Variants in SLCO4A1 observed in about 807,000 individuals in gnomAD.
SLCO4A1 encodes the protein solute carrier organic anion transporter family member 4A1, also known as colon organic anion transporter.
Under a neutral mutation model 64.6 loss-of-function variants are expected in SLCO4A1, and 51 were observed. The observed-to-expected ratio is 0.79, with a 90% CI of 0.63 to 1.00. The LOEUF (loss-of-function observed/expected upper bound fraction) is 1.00. Ranked by LOEUF, SLCO4A1 falls within the 50% of genes least tolerant of loss-of-function variation. SLCO4A1 has a pLI of 0.00. For synonymous variants in SLCO4A1, 471 were observed against 444.9 expected (o/e 1.06, Z -0.74); for missense variants, 919 against 980.5 (o/e 0.94, Z 0.84).
chr20:62,668,426 G>A, intron 9 of SLCO4A1, 51 bp from the exon 10 acceptor site: 1 of 1,583,192 alleles, frequency 6.3e-7, no homozygotes, highest in East Asian at 2.2e-5. Flanking sequence ...GGGGTGACTT[G>A]GCATGCAACC....
chr20:62,684,839 G>A (rs971057334), intron 2 of SLCO4A1, among the ~76,000 whole-genome samples: 1 of 152,104 alleles, frequency 6.6e-6, no homozygotes, highest in Admixed American at 6.5e-5. Flanking sequence ...TCATTAGCCC[G>A]TGCTCCACCT....
At chr20:62,683,290 C>T (rs990823892) in intron 2 of SLCO4A1, among the ~76,000 whole-genome samples, 6 of 152,012 alleles carry the variant, frequency 3.9e-5, no homozygotes, top group Admixed American at 2.6e-4. Flanking sequence ...CTCTCGGGAG[C>T]GGCCGTGACG....
In SLCO4A1 at chr20:62,669,081, A is replaced by T. The variant is rs756082833; in HGVS notation, c.2025+3A>T. ...TCATCATGGGGCTCCTGTACAAGGT[A>T]AGCAGGCCCAGGGAGGGGACAGAGG... On this transcript the variant is annotated splice_donor_region_variant and intron_variant, in intron 11 of 11. Coordinates refer to ENST00000217159, the MANE Select transcript of SLCO4A1 (RefSeq NM_016354.4). 2 of 1,608,744 alleles carry T rather than the reference A, an allele frequency of 1.2e-6. No individual in the cohort carries two copies. Among genetic ancestry groups the T allele is most frequent in the Middle Eastern group, 1.7e-4 (1 of 6,058 alleles).
intron 6 of SLCO4A1, 194 bp downstream of exon 6, chr20:62,665,282 C>T: frequency 1.7e-6 from 1 of 591,522 alleles, no homozygotes; most frequent in Non-Finnish European, 2.9e-6. Flanking sequence ...GAGTGGTGGT[C>T]CTGCCCTCTT....
At chr20:62,658,829 T>C (rs765498878) in intron 3 of SLCO4A1, 62 bp downstream of exon 3, 173 of 1,402,632 alleles carry the variant, frequency 1.2e-4, no homozygotes, top group Middle Eastern at 3.5e-4. Flanking sequence ...GGAAGGGGGT[T>C]CAGAGTCAGC....
rs373395628 is a variant in SLCO4A1, at chr20:62,669,789, G to A, written c.2025+711G>A. 3.9e-5 allele frequency among the ~76,000 whole-genome samples: 6 copies of A among 152,292 alleles called. No individual in the cohort carries two copies. In the East Asian group the frequency reaches 7.7e-4, roughly 20 times the overall value. ...CCCGTGGCCTCAGGCTTTCCAGGAG[G>A]GAGGTTAGAGAAAGGGAAGGAGCCC... On this transcript the variant is annotated intron_variant, in intron 11 of 11. Coordinates refer to ENST00000217159, the MANE Select transcript of SLCO4A1 (RefSeq NM_016354.4).
intron 1 of SLCO4A1, among the ~76,000 whole-genome samples, chr20:62,653,001 G>A (rs1471519020): frequency 6.6e-6 from 1 of 152,224 alleles, no homozygotes; most frequent in African/African-American, 2.4e-5. Context: ...GTGTGGCCTC[G>A]AGCAAATGAC....
chr20:62,656,266 C>A, intron 1 of SLCO4A1, 93 bp from the exon 2 acceptor site: 1 of 574,222 alleles, frequency 1.7e-6, no homozygotes, highest in Non-Finnish European at 3.0e-6. Flanking sequence ...AGCTTTGAGC[C>A]ACCCCCGTGA....
chr20:62,653,145 G>C (rs1318613597), intron 1 of SLCO4A1, among the ~76,000 whole-genome samples: 1 of 152,230 alleles, frequency 6.6e-6, no homozygotes, highest in Non-Finnish European at 1.5e-5. Flanking sequence ...GCCCGCCTTC[G>C]TCCCAAGGAG....
intron 7 of SLCO4A1, chr20:62,666,792 C>T (rs868064622): frequency 4.0e-5 from 23 of 581,606 alleles, no homozygotes; most frequent in Admixed American, 6.0e-5. Flanking sequence ...GCTTGGGTCC[C>T]GGCTGTGCCC....
chr20:62,676,251 T>TA (rs113930880), downstream of SLCO4A1, among the ~76,000 whole-genome samples: 1,247 of 148,344 alleles, frequency 8.4e-3, 21 homozygotes, highest in African/African-American at 0.028. Context: ...CCTGTCTCTG[T>TA]AAAAAAAAAA....
At chr20:62,670,683 G>T (rs1288488462) in intron 11 of SLCO4A1, among the ~76,000 whole-genome samples, 3 of 151,516 alleles carry the variant, frequency 2.0e-5, no homozygotes, top group Non-Finnish European at 4.4e-5. Context: ...GGGAGCAGCA[G>T]GCTGAGAGCC....
intron 1 of SLCO4A1, among the ~76,000 whole-genome samples, chr20:62,646,878 C>T (rs1981432231): frequency 6.6e-6 from 1 of 152,204 alleles, no homozygotes; most frequent in Admixed American, 6.5e-5. Context: ...GAAGAGTAAA[C>T]CTGCACACAC....
rs1988005566 is a variant in SLCO4A1, at chr20:62,685,044, G to A, written n.212-397G>A. Among the ~76,000 whole-genome samples the A allele has an allele frequency of 6.6e-6, 1 of 152,156 alleles. No homozygotes were observed. Among genetic ancestry groups the A allele is most frequent in the Non-Finnish European group, 1.5e-5 (1 of 68,030 alleles). ...AGACCAGTAATGGGGCGGATTAGCA[G>A]GGGCCAAGGGTCTGGGGTGAGGCCA... is the stretch of plus-strand genomic sequence containing the variant. On this transcript the variant is annotated intron_variant and non_coding_transcript_variant, in intron 2 of 2. Coordinates refer to the SLCO4A1 transcript ENST00000466818. This position sits in a 1 kb window ranked among gnomAD's most constrained non-coding sequence, Gnocchi z 4.6.
intron 3 of SLCO4A1, among the ~76,000 whole-genome samples, chr20:62,659,327 G>T (rs1218024915): frequency 1.3e-5 from 2 of 152,180 alleles, no homozygotes; most frequent in South Asian, 4.1e-4. Context: ...TGCTCTGTGG[G>T]TTTGGGCCCC....
At position 62,661,282 on chromosome 20, in the gene SLCO4A1, C is replaced by T. The variant is rs1342453172; in HGVS notation, c.1121+107C>T. ...CCGGGATCATGATGGGGACGCAGCC[C>T]CTAACCTCTGTCGTGACCCTGGGCC... On this transcript the variant is annotated intron_variant, in intron 5 of 11. Transcript: ENST00000217159. This position sits in a 1 kb window ranked among gnomAD's most constrained non-coding sequence, Gnocchi z 5.2. 2.6e-6 allele frequency: 2 copies of T among 782,052 alleles called. No individual in the cohort carries two copies. The highest frequency in any genetic ancestry group is 2.2e-6 in the Non-Finnish European group (1 of 452,720). 48.4% of individuals were successfully genotyped at this position (782,052 alleles called of 1,614,324 possible). A position where few individuals can be genotyped will look rare whatever the true frequency, so the allele number is the denominator to read the frequency against.
downstream of SLCO4A1, among the ~76,000 whole-genome samples, chr20:62,689,202 G>A (rs77707394): frequency 0.013 from 1,893 of 150,698 alleles, 41 homozygotes; most frequent in African/African-American, 0.045. Context: ...GCGCCTCATA[G>A]GCTTGTCCCT....
In SLCO4A1 at chr20:62,661,023, G is replaced by GCCCCCAC. The variant is rs2147085552; in HGVS notation, c.1010-35_1010-34insCCCCCCA. ...CTCTCGGAGAAGTCCACCTCCGGGA[G>GCCCCCAC]CCCCCAGCCCCCAGCCCCAGCTCAC... On this transcript the variant is annotated intron_variant, in intron 4 of 11. Coordinates refer to ENST00000217159, the MANE Select transcript of SLCO4A1 (RefSeq NM_016354.4). The surrounding 1 kb of genome is among the most constrained non-coding windows in gnomAD (Gnocchi z 5.2). The GCCCCCAC allele has an allele frequency of 1.4e-6, 1 of 732,790 alleles. No individual in the cohort carries two copies. 45.4% of individuals were successfully genotyped at this position (732,790 alleles called of 1,614,324 possible).
At position 62,669,015 on chromosome 20, in the gene SLCO4A1, C is replaced by T. The variant is rs61751039; in HGVS notation, c.1962C>T (p.Ser654=). The change falls in exon 11 of 12, where the codon TCC becomes TCT. Residue 654 remains serine, a synonymous_variant. Coordinates refer to ENST00000217159, the MANE Select transcript of SLCO4A1 (RefSeq NM_016354.4). Reference sequence around the variant, plus strand: ...AGGACCAGTGTGGCCAGCAGGGCTCCTGCTTGGTGTACCAGAATTCGGCCA... The same window carrying T: ...AGGACCAGTGTGGCCAGCAGGGCTCTTGCTTGGTGTACCAGAATTCGGCCA... ...LWQDQCGQQG[S]CLVYQNSAMS... 1.9e-4 allele frequency: 314 copies of T among 1,611,282 alleles called. 1 individual carries two copies. In the African/African-American group the frequency reaches 3.7e-3, roughly 19 times the overall value.
Sources: allele counts gnomAD v4.1 joint callset (sites outside exome capture counted in the v4.1 genomes callset), GRCh38; gene constraint gnomAD v4.1.1; non-coding constraint Gnocchi (gnomAD v3.1); transcripts MANE v1.5; gene names NCBI Gene and HGNC (gene_info 2026-07-23, HGNC 2026-07-21).